The following DPP10 variants were observed in gnomAD, a reference collection of about 807,000 sequenced individuals.
DPP10 encodes inactive dipeptidyl peptidase 10.
In DPP10, 33 loss-of-function variants were observed where a neutral mutation model predicts 120.9. The observed-to-expected ratio is 0.27, with a 90% confidence interval of 0.21 to 0.37. The LOEUF is 0.37. Ranked by LOEUF, DPP10 falls within the 10% of genes least tolerant of loss-of-function variation. DPP10 has a pLI of 1.00. For missense variants in DPP10, 816 were observed against 942.8 expected (o/e 0.87, Z 1.76); for synonymous variants, 337 against 326.1 (o/e 1.03, Z -0.36).
chr2:115,658,752 A>G (rs77036693), intron 5 of DPP10, among the ~76,000 whole-genome samples: 5,261 of 152,242 alleles, frequency 0.035, 142 homozygotes, highest in Non-Finnish European at 0.054. Context: ...TTTACAATAC[A>G]TGATAGTCTA....
At chr2:115,621,281 G>C (rs539229858) in intron 5 of DPP10, among the ~76,000 whole-genome samples, 8 of 152,068 alleles carry the variant, frequency 5.3e-5, no homozygotes, top group Non-Finnish European at 1.2e-4. Flanking sequence ...GTGGAAAGAA[G>C]GATAAATACT....
chr2:115,483,683 C>A (rs2075587745), intron 3 of DPP10, among the ~76,000 whole-genome samples: 1 of 152,114 alleles, frequency 6.6e-6, no homozygotes, highest in African/African-American at 2.4e-5. Flanking sequence ...TCTCCACATT[C>A]ATGTTCTAAC....
intron 1 of DPP10, among the ~76,000 whole-genome samples, chr2:115,225,002 A>C (rs2057363663): frequency 6.6e-6 from 1 of 152,162 alleles, no homozygotes; most frequent in African/African-American, 2.4e-5. Context: ...CAGACTGAAT[A>C]GCAATCACTG....
chr2:115,431,351 A>G (rs1479562641), intron 3 of DPP10, among the ~76,000 whole-genome samples: 1 of 152,172 alleles, frequency 6.6e-6, no homozygotes, highest in Admixed American at 6.6e-5. Context: ...GGACCGAGGG[A>G]TAAAATGTTG....
chr2:115,836,143 T>C lies in DPP10; in HGVS notation c.1951-14T>C. 1 of 1,406,898 alleles carries C rather than the reference T, an allele frequency of 7.1e-7. No homozygotes were observed. Among genetic ancestry groups the C allele is most frequent in the South Asian group, 1.4e-5 (1 of 69,746 alleles). 87.2% of individuals were successfully genotyped at this position (1,406,898 alleles called of 1,614,324 possible). A position where few individuals can be genotyped will look rare whatever the true frequency, so the allele number is the denominator to read the frequency against. On this transcript the variant is annotated splice_polypyrimidine_tract_variant and intron_variant, in intron 21 of 25. Coordinates refer to ENST00000410059, the MANE Select transcript of DPP10 (RefSeq NM_020868.6). ...AGATATATATATATATATATATATATTTTTCCCCCCCAGGGTTATGGTGGC... is the reference window on the plus strand; with the variant it reads ...AGATATATATATATATATATATATACTTTTCCCCCCCAGGGTTATGGTGGC...
At chr2:114,943,313 A>G (rs564721177) in intron 1 of DPP10, among the ~76,000 whole-genome samples, 1 of 152,062 alleles carries the variant, frequency 6.6e-6, no homozygotes, top group African/African-American at 2.4e-5. Context: ...TTGCTCTGTC[A>G]CCCAGGCTGG....
chr2:115,814,695 C>A (rs929340111), intron 19 of DPP10, 98 bp from the exon 20 acceptor site: 3 of 955,652 alleles, frequency 3.1e-6, no homozygotes, highest in Non-Finnish European at 2.9e-6. Flanking sequence ...ATAGCCAGCA[C>A]AGTTCTTTCC....
At chr2:115,413,270 G>T (rs1293785302) in intron 3 of DPP10, among the ~76,000 whole-genome samples, 1 of 152,150 alleles carries the variant, frequency 6.6e-6, no homozygotes. Flanking sequence ...AAGGCCAGGT[G>T]TTCAGTTACT....
At chr2:114,687,792 G>C (rs573975938) in intron 1 of DPP10, among the ~76,000 whole-genome samples, 1 of 152,026 alleles carries the variant, frequency 6.6e-6, no homozygotes, top group Admixed American at 6.6e-5. Flanking sequence ...CTAGACTCTG[G>C]TCGTTTTCAC....
At chr2:115,418,774 C>T (rs992001325) in intron 3 of DPP10, among the ~76,000 whole-genome samples, 9 of 43,168 alleles carry the variant, frequency 2.1e-4, no homozygotes, top group Admixed American at 2.0e-3. Flanking sequence ...TCCTGTCTCA[C>T]ACACACAGAA....
chr2:115,836,768 G>A (rs1270621864), intron 24 of DPP10, 22 bp downstream of exon 24: 1 of 1,604,462 alleles, frequency 6.2e-7, no homozygotes, highest in Non-Finnish European at 8.5e-7. Context: ...ACTTGCCGCT[G>A]CTGTTTGATA....
intron 5 of DPP10, among the ~76,000 whole-genome samples, chr2:115,543,542 A>G (rs1474896082): frequency 6.6e-6 from 1 of 152,004 alleles, no homozygotes; most frequent in Non-Finnish European, 1.5e-5. Context: ...GATTTCTTTA[A>G]TTCTGTACTA....
At chr2:115,155,179 G>C (rs2051825941) in intron 1 of DPP10, among the ~76,000 whole-genome samples, 1 of 151,972 alleles carries the variant, frequency 6.6e-6, no homozygotes, top group African/African-American at 2.4e-5. Flanking sequence ...AAGTGCTAGG[G>C]CTATTATATT....
chr2:114,926,253 A>G (rs1367068806), intron 1 of DPP10, among the ~76,000 whole-genome samples: 2 of 152,146 alleles, frequency 1.3e-5, no homozygotes, highest in Non-Finnish European at 2.9e-5. Context: ...ACTTGGTGTT[A>G]TTGATGGTGG....
intron 1 of DPP10, among the ~76,000 whole-genome samples, chr2:115,151,222 G>C (rs1043390308): frequency 2.0e-5 from 3 of 152,226 alleles, no homozygotes; most frequent in East Asian, 3.9e-4. Context: ...CTGTTGGAAA[G>C]TTTAATAATA....
chr2:114,459,828 G>C (rs1678777666), intron 1 of DPP10, among the ~76,000 whole-genome samples: 1 of 151,974 alleles, frequency 6.6e-6, no homozygotes, highest in South Asian at 2.1e-4. Flanking sequence ...AATATTTCTT[G>C]AGTAGTAGTA....
intron 2 of DPP10, among the ~76,000 whole-genome samples, chr2:115,331,843 T>A (rs1255858799): frequency 6.6e-6 from 1 of 152,176 alleles, no homozygotes; most frequent in Non-Finnish European, 1.5e-5. Flanking sequence ...TATTGAGGAT[T>A]TTTGCATCAA....
At chr2:115,790,283 G>T (rs557993217) in intron 17 of DPP10, among the ~76,000 whole-genome samples, 2 of 151,796 alleles carry the variant, frequency 1.3e-5, no homozygotes, top group East Asian at 3.9e-4. Flanking sequence ...GTTTCACCTT[G>T]TTAGCCAGGA....
At chr2:114,903,390 A>C (rs187763803) in intron 1 of DPP10, among the ~76,000 whole-genome samples, 2 of 152,328 alleles carry the variant, frequency 1.3e-5, no homozygotes, top group East Asian at 3.9e-4. Context: ...ACTATTTTGC[A>C]TTCCCACCAG....
Sources: allele counts gnomAD v4.1 joint callset (sites outside exome capture counted in the v4.1 genomes callset), GRCh38; gene constraint gnomAD v4.1.1; transcripts MANE v1.5; gene names NCBI Gene and HGNC (gene_info 2026-07-23, HGNC 2026-07-21).